The following MICAL2 variants were observed in gnomAD, a reference collection of about 807,000 sequenced individuals.
The protein encoded by MICAL2 is microtubule associated monooxygenase, calponin and LIM domain containing 2, also known as [F-actin]-monooxygenase MICAL2.
A neutral mutation model predicts 127.3 loss-of-function variants in MICAL2; 77 were observed. The observed-to-expected ratio is 0.60, with a 90% CI of 0.50 to 0.73. MICAL2 has a LOEUF of 0.73. MICAL2 is among the 30% of genes least tolerant of loss of function. The pLI is 0.00. For synonymous variants in MICAL2, 570 were observed against 551.1 expected (o/e 1.03, Z -0.48); for missense variants, 1,351 against 1,434.4 (o/e 0.94, Z 0.94).
At chr11:12,332,727 A>G (rs1938664179) in intron 32 of MICAL2, among the ~76,000 whole-genome samples, 1 of 152,174 alleles carries the variant, frequency 6.6e-6, no homozygotes, top group Non-Finnish European at 1.5e-5. Flanking sequence ...GAGCCCCAGG[A>G]AAAGGACTCA....
upstream of MICAL2, among the ~76,000 whole-genome samples, chr11:12,271,144 G>C (rs114454891): frequency 4.4e-3 from 676 of 152,320 alleles, 3 homozygotes; most frequent in African/African-American, 0.015. Context: ...TATCTGGCCA[G>C]AGCTGAGATG....
intron 2 of MICAL2, among the ~76,000 whole-genome samples, chr11:12,151,718 G>T (rs1853594597): frequency 6.6e-6 from 1 of 152,278 alleles, no homozygotes; most frequent in Admixed American, 6.5e-5. Flanking sequence ...CACTATGGGG[G>T]ATTCTTATGG....
intron 32 of MICAL2, among the ~76,000 whole-genome samples, chr11:12,338,007 C>A (rs192163991): frequency 3.3e-5 from 5 of 152,162 alleles, no homozygotes; most frequent in African/African-American, 4.8e-5. Flanking sequence ...CCTCGATATC[C>A]TTGTTAAGTT....
intron 2 of MICAL2, among the ~76,000 whole-genome samples, chr11:12,153,500 C>G (rs1389478849): frequency 6.6e-6 from 1 of 152,118 alleles, no homozygotes; most frequent in South Asian, 2.1e-4. Context: ...TGCGGTGGTG[C>G]AATCTTGGCT....
At chr11:12,258,106 G>C (rs113160910) in intron 24 of MICAL2, among the ~76,000 whole-genome samples, 95 of 152,280 alleles carry the variant, frequency 6.2e-4, no homozygotes, top group African/African-American at 2.2e-3. Context: ...CAGAGGAGCA[G>C]CCAGATGGAA....
chr11:12,172,023 A>G (rs535854395), intron 3 of MICAL2, among the ~76,000 whole-genome samples: 1 of 152,280 alleles, frequency 6.6e-6, no homozygotes, highest in South Asian at 2.1e-4. Context: ...CCACACATCA[A>G]GTGCTTACTA....
At chr11:12,323,120 G>A (rs914528187) in intron 30 of MICAL2, among the ~76,000 whole-genome samples, 2 of 152,052 alleles carry the variant, frequency 1.3e-5, no homozygotes. Flanking sequence ...TCCAGTATGT[G>A]GAATTAACCA....
intron 2 of MICAL2, among the ~76,000 whole-genome samples, chr11:12,141,535 CA>C (rs1230017555): frequency 6.6e-6 from 1 of 152,192 alleles, no homozygotes; most frequent in Admixed American, 6.5e-5. Flanking sequence ...TGCCAGAGTG[CA>C]GATAAGAACT....
At chr11:12,202,869 C>T (rs1336779321) in intron 3 of MICAL2, among the ~76,000 whole-genome samples, 1 of 152,204 alleles carries the variant, frequency 6.6e-6, no homozygotes, top group Non-Finnish European at 1.5e-5. Flanking sequence ...AGTTATGCAA[C>T]ATCACCATTA....
intron 1 of MICAL2, among the ~76,000 whole-genome samples, chr11:12,123,972 A>C (rs1370471752): frequency 1.3e-5 from 2 of 152,202 alleles, no homozygotes; most frequent in African/African-American, 4.8e-5. Context: ...AATGCAGCCC[A>C]AGACTCTATG....
intron 32 of MICAL2, among the ~76,000 whole-genome samples, chr11:12,345,509 G>T (rs1007139987): frequency 1.3e-5 from 2 of 152,212 alleles, no homozygotes. Flanking sequence ...TGTACAGGAT[G>T]CCCATTTATC....
intron 22 of MICAL2, among the ~76,000 whole-genome samples, chr11:12,252,301 A>C (rs1051639654): frequency 6.6e-6 from 1 of 152,182 alleles, no homozygotes; most frequent in African/African-American, 2.4e-5. Context: ...GTATGCTTAG[A>C]AGCAGAATCC....
intron 3 of MICAL2, among the ~76,000 whole-genome samples, chr11:12,185,702 G>A (rs976507255): frequency 1.1e-4 from 17 of 152,020 alleles, no homozygotes; most frequent in East Asian, 3.9e-4. Flanking sequence ...TTCTTTGTAC[G>A]GTACTCCGCA....
intron 2 of MICAL2, among the ~76,000 whole-genome samples, chr11:12,154,683 G>A (rs1475089968): frequency 6.6e-6 from 1 of 152,116 alleles, no homozygotes; most frequent in Non-Finnish European, 1.5e-5. Flanking sequence ...TTTTCCCATG[G>A]ATTAAATGTC....
intron 32 of MICAL2, among the ~76,000 whole-genome samples, chr11:12,349,610 T>A (rs956448520): frequency 6.6e-6 from 1 of 152,138 alleles, no homozygotes; most frequent in Non-Finnish European, 1.5e-5. Flanking sequence ...ACTGGAGTAG[T>A]CATGCCCTAA....
chr11:12,227,250 C>A, intron 15 of MICAL2, 119 bp downstream of exon 15: 1 of 695,590 alleles, frequency 1.4e-6, no homozygotes, highest in Non-Finnish European at 2.4e-6. Context: ...CAGGCGCTCC[C>A]GGAAGATGCT....
chr11:12,177,218 G>T (rs1856937528), intron 3 of MICAL2, among the ~76,000 whole-genome samples: 1 of 152,156 alleles, frequency 6.6e-6, no homozygotes, highest in South Asian at 2.1e-4. Flanking sequence ...GGCATCTCAT[G>T]ATTTTGATTG....
chr11:12,222,903 C>T (rs1856991372), intron 11 of MICAL2, among the ~76,000 whole-genome samples, 160 bp downstream of exon 11: 1 of 152,198 alleles, frequency 6.6e-6, no homozygotes, highest in Non-Finnish European at 1.5e-5. Context: ...CCACTCGAGT[C>T]AGCATTCTTT....
chr11:12,247,792 T>C (rs567401229), intron 21 of MICAL2, among the ~76,000 whole-genome samples: 1 of 152,236 alleles, frequency 6.6e-6, no homozygotes, highest in Non-Finnish European at 1.5e-5. Flanking sequence ...GATAAACAGA[T>C]TTATTCTATC....
Sources: allele counts gnomAD v4.1 joint callset (sites outside exome capture counted in the v4.1 genomes callset), GRCh38; gene constraint gnomAD v4.1.1; transcripts MANE v1.5; gene names NCBI Gene and HGNC (gene_info 2026-07-23, HGNC 2026-07-21).